GRID2: variants seen among roughly 807,000 people sequenced by gnomAD.
GRID2 encodes the protein glutamate receptor ionotropic, delta-2.
Under a neutral mutation model 114.8 loss-of-function variants are expected in GRID2, and 33 were observed. That is an observed-to-expected ratio of 0.29 (90% CI 0.22 to 0.38). The LOEUF (loss-of-function observed/expected upper bound fraction) is 0.38, where lower values mean the gene tolerates loss of function less well. GRID2 is among the 10% of genes least tolerant of loss of function. The probability of loss-of-function intolerance (pLI) is 1.00; values close to 1 mark genes in which losing one functional copy is unlikely to be tolerated. For synonymous variants in GRID2, 505 were observed against 449.9 expected, an observed-to-expected ratio of 1.12 and a Z score of -1.55; for missense variants, 1,184 against 1,257.7, an observed-to-expected ratio of 0.94 and a Z score of 0.89.
At chr4:92,836,188 A>G (rs1366035318) in intron 2 of GRID2, among the ~76,000 whole-genome samples, 2 of 152,146 alleles carry the variant, frequency 1.3e-5, no homozygotes, top group East Asian at 3.9e-4. Flanking sequence ...ACGGTTGGCC[A>G]AGCCTAAACT....
chr4:93,428,425 A>T (rs2149376373), intron 10 of GRID2, among the ~76,000 whole-genome samples: 1 of 152,234 alleles, frequency 6.6e-6, no homozygotes, highest in East Asian at 1.9e-4. Context: ...GTAAAACTTC[A>T]TTTTTATAGA....
At chr4:93,591,014 G>A (rs926018328) in intron 13 of GRID2, among the ~76,000 whole-genome samples, 2 of 151,374 alleles carry the variant, frequency 1.3e-5, no homozygotes, top group Middle Eastern at 3.2e-3. Context: ...GGGACAATTG[G>A]ACTTCCTCTT....
At chr4:93,756,157 G>A (rs1732731287) in intron 14 of GRID2, among the ~76,000 whole-genome samples, 1 of 152,110 alleles carries the variant, frequency 6.6e-6, no homozygotes, top group Non-Finnish European at 1.5e-5. Context: ...TTAACGAGGA[G>A]AAGAAGAAGC....
At chr4:92,581,097 T>G (rs1036558779) in intron 1 of GRID2, among the ~76,000 whole-genome samples, 3 of 151,792 alleles carry the variant, frequency 2.0e-5, no homozygotes, top group Non-Finnish European at 2.9e-5. Flanking sequence ...TCTTCACGGA[T>G]TCAGTAAGAA....
chr4:93,018,236 AAAC>A (rs1470490296), intron 2 of GRID2, among the ~76,000 whole-genome samples: 1 of 150,432 alleles, frequency 6.6e-6, no homozygotes, highest in African/African-American at 2.5e-5. Flanking sequence ...AAAAAAAAAA[AAAC>A]CTACAAGGAA....
chr4:93,528,238 G>C (rs1225610459), intron 13 of GRID2, among the ~76,000 whole-genome samples: 1 of 151,746 alleles, frequency 6.6e-6, no homozygotes, highest in Non-Finnish European at 1.5e-5. Flanking sequence ...GACATGGGTT[G>C]CTTCTACCTT....
intron 1 of GRID2, among the ~76,000 whole-genome samples, chr4:92,450,802 A>AAAAATAAATTTTAATTTAATTTAATTTTT: frequency 6.7e-6 from 1 of 149,494 alleles, no homozygotes; most frequent in Non-Finnish European, 1.5e-5. Flanking sequence ...ATTTAAATTT[A>AAAAATAAATTTTAATTTAATTTAATTTTT]AAAATAAATT....
intron 1 of GRID2, among the ~76,000 whole-genome samples, chr4:93,797,766 T>C (rs1306293231): frequency 6.7e-6 from 1 of 149,586 alleles, no homozygotes; most frequent in African/African-American, 2.5e-5. Flanking sequence ...GAATGTTAGC[T>C]CTGGAGAGGC....
chr4:93,695,478 C>T (rs974902522), intron 14 of GRID2, among the ~76,000 whole-genome samples: 1 of 152,120 alleles, frequency 6.6e-6, no homozygotes, highest in Non-Finnish European at 1.5e-5. Context: ...TGCAAGTTTG[C>T]TTTAGTAAAC....
At chr4:93,779,208 CT>C (rs5860347), downstream of GRID2, among the ~76,000 whole-genome samples, 182 of 144,120 alleles carry the variant, frequency 1.3e-3, no homozygotes, top group Non-Finnish European at 1.3e-3. Flanking sequence ...GTCTCTTTCC[CT>C]TTTTTTTTTT....
chr4:93,763,648 A>G (rs1733396865), intron 14 of GRID2, among the ~76,000 whole-genome samples: 1 of 152,156 alleles, frequency 6.6e-6, no homozygotes, highest in East Asian at 1.9e-4. Context: ...TCAACTATTT[A>G]TTATCTGTGT....
At chr4:92,553,387 TAC>T (rs1193407184) in intron 1 of GRID2, among the ~76,000 whole-genome samples, 1 of 152,190 alleles carries the variant, frequency 6.6e-6, no homozygotes, top group Non-Finnish European at 1.5e-5. Context: ...GAACAGAATA[TAC>T]CATGAGCAAA....
At chr4:92,746,210 T>A (rs1378248582) in intron 2 of GRID2, among the ~76,000 whole-genome samples, 1 of 152,168 alleles carries the variant, frequency 6.6e-6, no homozygotes, top group African/African-American at 2.4e-5. Flanking sequence ...TAGTCTGTTG[T>A]ATGCTGTGAA....
At chr4:93,129,878 T>C (rs1007958804) in intron 4 of GRID2, among the ~76,000 whole-genome samples, 5 of 152,100 alleles carry the variant, frequency 3.3e-5, no homozygotes, top group African/African-American at 4.8e-5. Flanking sequence ...AGGTTGAAGG[T>C]TGGATCGTAT....
At chr4:93,729,053 C>T (rs1462548427) in intron 14 of GRID2, among the ~76,000 whole-genome samples, 8 of 152,152 alleles carry the variant, frequency 5.3e-5, no homozygotes, top group Admixed American at 4.6e-4. Flanking sequence ...TTATTTTGCT[C>T]GTTAGTTGAT....
chr4:93,511,976 A>G (rs1325638880), intron 12 of GRID2, among the ~76,000 whole-genome samples: 1 of 151,708 alleles, frequency 6.6e-6, no homozygotes, highest in Admixed American at 6.6e-5. Flanking sequence ...TAATAGAGAC[A>G]GGGTTTTGCC....
chr4:92,443,644 A>G (rs1243397848), intron 1 of GRID2, among the ~76,000 whole-genome samples: 2 of 151,840 alleles, frequency 1.3e-5, no homozygotes, highest in African/African-American at 4.8e-5. Flanking sequence ...TGCCGCTAAG[A>G]GTGAAGGAGA....
chr4:93,210,261 T>C (rs780730274), intron 5 of GRID2, among the ~76,000 whole-genome samples: 1 of 152,158 alleles, frequency 6.6e-6, no homozygotes, highest in Non-Finnish European at 1.5e-5. Flanking sequence ...AATTTTTGTA[T>C]ATGGTATAAT....
intron 2 of GRID2, among the ~76,000 whole-genome samples, chr4:92,869,157 AC>A (rs1745100224): frequency 6.6e-6 from 1 of 152,186 alleles, no homozygotes; most frequent in African/African-American, 2.4e-5. Context: ...CAGATTAAAA[AC>A]ATTAGATTAC....
Sources: gnomAD v4.1 joint callset for allele counts (sites outside exome capture counted in the v4.1 genomes callset) on GRCh38, gnomAD v4.1.1 for gene constraint, MANE v1.5 for transcripts, NCBI Gene and HGNC (gene_info 2026-07-23, HGNC 2026-07-21) for gene names.